The following LRRIQ3 variants were observed in gnomAD, a reference collection of about 807,000 sequenced individuals.
The protein encoded by LRRIQ3 is leucine rich repeats and IQ motif containing 3, also known as leucine-rich repeat and IQ domain-containing protein 3.
LRRIQ3 carries 75 observed loss-of-function variants against 59.3 expected under a neutral mutation model. The observed-to-expected ratio is 1.26, with a 90% CI of 1.05 to 1.53. LRRIQ3 has a LOEUF of 1.53. LRRIQ3 is among the 40% of genes most tolerant of loss of function. The pLI, the probability that LRRIQ3 is intolerant of heterozygous loss-of-function variation, is 0.00. For missense variants in LRRIQ3, 831 were observed against 710.0 expected (o/e 1.17, Z -1.94); for synonymous variants, 250 against 231.3 (o/e 1.08, Z -0.73).
At chr1:74,164,642 A>G (rs190911114) in intron 3 of LRRIQ3, among the ~76,000 whole-genome samples, 261 of 151,708 alleles carry the variant, frequency 1.7e-3, no homozygotes, top group African/African-American at 6.1e-3. Context: ...GGTCTTTCAT[A>G]GAGCAAAATT....
chr1:74,039,667 T>A (rs1305162591), intron 7 of LRRIQ3, among the ~76,000 whole-genome samples: 1 of 152,174 alleles, frequency 6.6e-6, no homozygotes. Flanking sequence ...CAACACAGAA[T>A]TTCATATTCA....
intron 6 of LRRIQ3, among the ~76,000 whole-genome samples, chr1:74,060,188 T>TTTTTTCTTC (rs1654666303): frequency 9.0e-6 from 1 of 111,518 alleles, no homozygotes; most frequent in Admixed American, 9.3e-5. Flanking sequence ...TCTTCTTCTT[T>TTTTTTCTTC]TTCTTCTTCT....
intron 6 of LRRIQ3, among the ~76,000 whole-genome samples, chr1:74,069,054 G>A (rs1265799185): frequency 6.6e-6 from 1 of 152,066 alleles, no homozygotes; most frequent in Non-Finnish European, 1.5e-5. Flanking sequence ...GCATAAATCT[G>A]ATCACAGGCA....
At chr1:74,180,009 T>C (rs1312925167) in intron 3 of LRRIQ3, 1 of 151,916 alleles carries the variant, frequency 6.6e-6, no homozygotes, top group Non-Finnish European at 1.5e-5. Flanking sequence ...CTTTAATAAA[T>C]CTTTCATAAA....
At chr1:74,173,761 T>G (rs538783246) in intron 3 of LRRIQ3, among the ~76,000 whole-genome samples, 1 of 152,218 alleles carries the variant, frequency 6.6e-6, no homozygotes, top group South Asian at 2.1e-4. Flanking sequence ...TTGTTTCAAT[T>G]CAAAAAACTT....
intron 3 of LRRIQ3, among the ~76,000 whole-genome samples, chr1:74,167,494 C>A (rs564414930): frequency 1.3e-5 from 2 of 151,330 alleles, no homozygotes; most frequent in Non-Finnish European, 3.0e-5. Context: ...CCTGCACATC[C>A]TGCACATGTA....
intron 5 of LRRIQ3, among the ~76,000 whole-genome samples, chr1:74,101,294 A>G (rs188829300): frequency 2.0e-5 from 3 of 152,366 alleles, no homozygotes; most frequent in Non-Finnish European, 2.9e-5. Context: ...TGCAGCCAAT[A>G]GACACATGAA....
intron 1 of LRRIQ3, among the ~76,000 whole-genome samples, chr1:74,197,559 C>G (rs888163901): frequency 6.6e-6 from 1 of 152,050 alleles, no homozygotes; most frequent in Non-Finnish European, 1.5e-5. Context: ...TCTGCATATA[C>G]AAAAGAATGC....
intron 1 of LRRIQ3, among the ~76,000 whole-genome samples, chr1:74,194,261 A>C (rs1205296089): frequency 1.3e-5 from 2 of 152,198 alleles, no homozygotes; most frequent in East Asian, 3.8e-4. Flanking sequence ...ATAATTTTAT[A>C]TCACAGAAAA....
At chr1:74,078,501 G>T (rs1229124847) in intron 5 of LRRIQ3, among the ~76,000 whole-genome samples, 1 of 151,728 alleles carries the variant, frequency 6.6e-6, no homozygotes, top group Non-Finnish European at 1.5e-5. Context: ...TGGGATACTT[G>T]GTGGTGATTT....
chr1:74,026,067 T>C lies in LRRIQ3; in HGVS notation c.*746A>G, dbSNP rs1320337916. Reference sequence around the variant, plus strand: ...TTTCAAATTTTCTACCATTGGTATGTATTAAACAGACTTATGGTTAATATA... The same window carrying C: ...TTTCAAATTTTCTACCATTGGTATGCATTAAACAGACTTATGGTTAATATA... On this transcript the variant is annotated 3_prime_UTR_variant, in exon 8 of 8. Transcript: ENST00000354431. 1 of 152,086 alleles carries C rather than the reference T, an allele frequency of 6.6e-6. No individual in the cohort carries two copies. The highest frequency in any genetic ancestry group is 2.4e-5 in the African/African-American group (1 of 41,462). The allele number at this position is 152,086 out of a possible 1,614,324, so 9.4% of individuals were successfully genotyped here.
At chr1:74,165,887 T>TC (rs1280881665) in intron 3 of LRRIQ3, among the ~76,000 whole-genome samples, 14 of 151,658 alleles carry the variant, frequency 9.2e-5, no homozygotes, top group African/African-American at 3.4e-4. Flanking sequence ...TTTAGAATGT[T>TC]GAACCATCCT....
intron 3 of LRRIQ3, chr1:74,181,944 T>C (rs1318280277): frequency 6.6e-6 from 1 of 151,940 alleles, no homozygotes. Context: ...TGTTACTATA[T>C]CTTGTACCTA....
chr1:74,102,739 C>T (rs1226500397), intron 5 of LRRIQ3, among the ~76,000 whole-genome samples: 2 of 151,936 alleles, frequency 1.3e-5, no homozygotes, highest in African/African-American at 2.4e-5. Flanking sequence ...CTCTGTTCAA[C>T]TCTCTCATTT....
chr1:74,095,317 A>G (rs1165484699), intron 5 of LRRIQ3, among the ~76,000 whole-genome samples: 1 of 152,104 alleles, frequency 6.6e-6, no homozygotes, highest in Non-Finnish European at 1.5e-5. Context: ...GTGAGAGAAC[A>G]GTTGTTTTGT....
chr1:74,114,679 G>A (rs1646753180), intron 4 of LRRIQ3, among the ~76,000 whole-genome samples: 2 of 151,536 alleles, frequency 1.3e-5, no homozygotes, highest in African/African-American at 4.9e-5. Context: ...AGCTTTCAGT[G>A]AGCAGAGACG....
chr1:74,090,986 A>C (rs1247440464), intron 5 of LRRIQ3, among the ~76,000 whole-genome samples: 1 of 152,130 alleles, frequency 6.6e-6, no homozygotes, highest in East Asian at 1.9e-4. Flanking sequence ...GCTAGGACTT[A>C]TCAGGTCAAA....
At chr1:74,106,637 G>T (rs1264493211) in intron 5 of LRRIQ3, among the ~76,000 whole-genome samples, 2 of 151,922 alleles carry the variant, frequency 1.3e-5, no homozygotes, top group Non-Finnish European at 2.9e-5. Context: ...CCCCGGTGGG[G>T]TATTAGTGTG....
intron 6 of LRRIQ3, among the ~76,000 whole-genome samples, chr1:74,059,049 T>C (rs888707384): frequency 2.8e-4 from 43 of 152,144 alleles, no homozygotes; most frequent in African/African-American, 9.4e-4. Context: ...TGTATTGCCC[T>C]GGTGGCCAAA....
Sources: gnomAD v4.1 joint callset for allele counts (sites outside exome capture counted in the v4.1 genomes callset) on GRCh38, gnomAD v4.1.1 for gene constraint, MANE v1.5 for transcripts, NCBI Gene and HGNC (gene_info 2026-07-23, HGNC 2026-07-21) for gene names.